FAM131C: variants seen among roughly 807,000 people sequenced by gnomAD.
FAM131C encodes family with sequence similarity 131 member C, also known as protein FAM131C.
In FAM131C, 14 loss-of-function variants were observed where a neutral mutation model predicts 29.8. The ratio of observed to expected loss-of-function variants is 0.47; its 90% confidence interval spans 0.31 to 0.73. FAM131C has a LOEUF of 0.73. Among genes scored for constraint, FAM131C ranks in the 30% least tolerant of loss-of-function variants. The probability of loss-of-function intolerance (pLI) is 0.05; values close to 1 mark genes in which losing one functional copy is unlikely to be tolerated. For missense variants in FAM131C, 252 were observed against 383.8 expected, an observed-to-expected ratio of 0.66 and a Z score of 2.87; for synonymous variants, 86 against 157.8, an observed-to-expected ratio of 0.54 and a Z score of 3.41.
chr1:16,062,473 G>C (rs1355321681), intron 3 of FAM131C, 26 bp downstream of exon 3: 2 of 1,581,648 alleles, frequency 1.3e-6, no homozygotes, highest in South Asian at 2.3e-5. Flanking sequence ...GGGCCGGCTA[G>C]AATGGGGACA....
intron 3 of FAM131C, 113 bp downstream of exon 3, chr1:16,062,386 C>CCA (rs891595586): frequency 1.7e-6 from 2 of 1,190,650 alleles, no homozygotes; most frequent in African/African-American, 1.8e-5. Flanking sequence ...TCAGGCCCCC[C>CCA]CCCCCCCCGC....
At chr1:16,062,223 G>A (rs752089467) in intron 3 of FAM131C, 31 bp from the exon 4 acceptor site, 2 of 1,598,726 alleles carry the variant, frequency 1.3e-6, no homozygotes, top group Non-Finnish European at 1.7e-6. Context: ...AGTGAGCAGG[G>A]TGGGCCAGGC....
At chr1:16,062,678 T>C (rs2023619764) in intron 2 of FAM131C, 144 bp from the exon 3 acceptor site, 1 of 1,366,710 alleles carries the variant, frequency 7.3e-7, no homozygotes, top group South Asian at 1.5e-5. Flanking sequence ...TCATGGGTCA[T>C]GCTCTGGTGT....
rs147581007 is a variant in FAM131C, at chr1:16,071,951, T to C, written c.22+1470A>G. On this transcript the variant is annotated intron_variant, in intron 1 of 6. Coordinates refer to ENST00000375662, the MANE Select transcript of FAM131C (RefSeq NM_182623.3). ...AGGGGAAGGGACACTGAGGAAACAC[T>C]CAGATCCCCTCCACCTGGAGCTGGC... is the stretch of plus-strand genomic sequence containing the variant. Among the ~76,000 whole-genome samples, 1,475 of 152,222 alleles carry C rather than the reference T, an allele frequency of 9.7e-3. 28 individuals carry two copies. The highest frequency in any genetic ancestry group is 0.034 in the African/African-American group (1,406 of 41,522).
At chr1:16,063,236 A>T (rs1052711910) in intron 2 of FAM131C, among the ~76,000 whole-genome samples, 1 of 151,644 alleles carries the variant, frequency 6.6e-6, no homozygotes, top group East Asian at 1.9e-4. Context: ...GCTCAGGAGT[A>T]GCGGGCTGGT....
At chr1:16,062,360 C>T (rs1229762873) in intron 3 of FAM131C, 139 bp downstream of exon 3, 1 of 1,406,938 alleles carries the variant, frequency 7.1e-7, no homozygotes, top group Non-Finnish European at 9.5e-7. Context: ...CGGGACAACC[C>T]CCACCCACTG....
chr1:16,067,700 G>A (rs953185308), intron 1 of FAM131C, among the ~76,000 whole-genome samples: 1 of 152,176 alleles, frequency 6.6e-6, no homozygotes, highest in South Asian at 2.1e-4. Flanking sequence ...CTGCTTTAGA[G>A]TCTAACCTCC....
At chr1:16,067,040 G>T (rs1557480411) in intron 1 of FAM131C, among the ~76,000 whole-genome samples, 1 of 152,240 alleles carries the variant, frequency 6.6e-6, no homozygotes, top group Non-Finnish European at 1.5e-5. Context: ...GCACAGAGGA[G>T]GCTGGTGGTG....
At chr1:16,068,459 C>T (rs1211480391) in intron 1 of FAM131C, among the ~76,000 whole-genome samples, 1 of 152,252 alleles carries the variant, frequency 6.6e-6, no homozygotes, top group African/African-American at 2.4e-5. Flanking sequence ...AGCCACTCCT[C>T]TGGTCCTGTC....
At chr1:16,059,142 T>C (rs2124122559) in intron 6 of FAM131C, among the ~76,000 whole-genome samples, 1 of 151,458 alleles carries the variant, frequency 6.6e-6, no homozygotes, top group Admixed American at 6.6e-5. Flanking sequence ...AGCTGTCATT[T>C]GGAGTAAGTT....
rs1461610401 is a variant in FAM131C at position 16,073,484 on chromosome 1, G to A, written c.-42C>T. Reference sequence around the variant, plus strand: ...CGGGCCGCTGCGCCCGGGGTGCGTGGGGCCGCGGGGCGTTCATGTCTCCGC... The same window carrying A: ...CGGGCCGCTGCGCCCGGGGTGCGTGAGGCCGCGGGGCGTTCATGTCTCCGC... On this transcript the variant is annotated 5_prime_UTR_variant, in exon 1 of 7. Coordinates refer to ENST00000375662, the MANE Select transcript of FAM131C (RefSeq NM_182623.3). 1.7e-6 allele frequency: 2 copies of A among 1,169,694 alleles called. No individual in the cohort carries two copies. The highest frequency in any genetic ancestry group is 1.1e-6 in the Non-Finnish European group (1 of 941,710). 72.5% of individuals were successfully genotyped at this position (1,169,694 alleles called of 1,614,324 possible).
intron 1 of FAM131C, among the ~76,000 whole-genome samples, chr1:16,063,921 T>C (rs1438038849): frequency 6.6e-6 from 1 of 151,910 alleles, no homozygotes; most frequent in African/African-American, 2.4e-5. Context: ...CTTTAATCCA[T>C]TTACCCTCAT....
rs779836063 is a variant in FAM131C, at chr1:16,059,977, C to T, written c.343G>A (p.Glu115Lys). The change falls in exon 5 of 7, where the codon GAG (glutamate) becomes AAG (lysine). Residue 115 changes from glutamate to lysine, a missense_variant. Around this residue, in one of 6 missense-constraint regions of FAM131C, gnomAD observed 52 missense variants for 105.9 expected, o/e 0.49. Transcript: ENST00000375662. ...MARGRVAHLIEWKGWSAQPAG... is the reference protein window; with the variant it reads ...MARGRVAHLIKWKGWSAQPAG... Reference sequence around the variant, plus strand: ...GGCTGGGCACTCCAGCCCTTCCACTCGATGAGGTGGGCCACGCGGCCTCGG... The same window carrying T: ...GGCTGGGCACTCCAGCCCTTCCACTTGATGAGGTGGGCCACGCGGCCTCGG... The T allele has an allele frequency of 8.3e-6, 13 of 1,570,284 alleles. No homozygotes were observed. The African/African-American group carries it at 1.1e-4, about 13-fold the overall frequency.
intron 1 of FAM131C, among the ~76,000 whole-genome samples, chr1:16,065,612 C>T (rs183181554): frequency 5.9e-5 from 9 of 152,330 alleles, no homozygotes; most frequent in African/African-American, 2.2e-4. Context: ...GTTGGCCCCA[C>T]CCAGAGTGGC....
intron 6 of FAM131C, 34 bp downstream of exon 6, chr1:16,059,460 C>T: frequency 1.9e-6 from 3 of 1,582,170 alleles, no homozygotes; most frequent in Non-Finnish European, 2.6e-6. Flanking sequence ...CTCCACTCTG[C>T]CCACCCCCGC....
intron 2 of FAM131C, 82 bp downstream of exon 2, chr1:16,063,439 G>A (rs1238448452): frequency 3.7e-6 from 4 of 1,094,088 alleles, no homozygotes; most frequent in Non-Finnish European, 5.6e-6. Flanking sequence ...AAGGAGACTG[G>A]AATGGATTCT....
intron 4 of FAM131C, among the ~76,000 whole-genome samples, chr1:16,061,531 A>G (rs1167099749): frequency 6.6e-6 from 1 of 152,110 alleles, no homozygotes; most frequent in Non-Finnish European, 1.5e-5. Flanking sequence ...GAGGCTACCT[A>G]GTCCTCCCCA....
intron 1 of FAM131C, among the ~76,000 whole-genome samples, chr1:16,069,703 A>T (rs1016375690): frequency 6.6e-6 from 1 of 152,200 alleles, no homozygotes; most frequent in African/African-American, 2.4e-5. Context: ...CAGAGCCCCC[A>T]ACAAATAGGG....
chr1:16,059,452 C>T (rs1284034110), intron 6 of FAM131C, 42 bp downstream of exon 6: 1 of 1,595,742 alleles, frequency 6.3e-7, no homozygotes. Flanking sequence ...AGAATCAGCT[C>T]CACTCTGCCC....
Sources: gnomAD v4.1 joint callset for allele counts (sites outside exome capture counted in the v4.1 genomes callset) on GRCh38, gnomAD v4.1.1 for gene constraint, gnomAD v4.1.1 regional missense constraint, MANE v1.5 for transcripts, NCBI Gene and HGNC (gene_info 2026-07-23, HGNC 2026-07-21) for gene names.